The following BABAM2 variants were observed in gnomAD, a reference collection of about 807,000 sequenced individuals.
The protein encoded by BABAM2 is BRISC and BRCA1 A complex member 2, also known as BRISC and BRCA1-A complex member 2.
BABAM2 carries 31 observed loss-of-function variants against 54.7 expected under a neutral mutation model. The observed-to-expected ratio is 0.57, with a 90% CI of 0.43 to 0.77. The LOEUF is 0.77. BABAM2 is among the 30% of genes least tolerant of loss of function. The probability of loss-of-function intolerance (pLI) is 0.00; values close to 1 mark genes in which losing one functional copy is unlikely to be tolerated. For synonymous variants in BABAM2, 167 were observed against 162.9 expected, an observed-to-expected ratio of 1.03 and a Z score of -0.19; for missense variants, 364 against 455.8, an observed-to-expected ratio of 0.80 and a Z score of 1.83.
At chr2:28,227,401 C>T (rs1680988967) in intron 7 of BABAM2, among the ~76,000 whole-genome samples, 1 of 152,138 alleles carries the variant, frequency 6.6e-6, no homozygotes. Flanking sequence ...CATTGAGAAC[C>T]TGGCCTCGGA....
intron 5 of BABAM2, among the ~76,000 whole-genome samples, chr2:28,040,401 C>T (rs970383442): frequency 6.9e-6 from 1 of 144,824 alleles, no homozygotes; most frequent in Admixed American, 7.1e-5. Context: ...CCCGGGTTCA[C>T]GCCATTCTCC....
chr2:28,295,643 G>A (rs1196168918), intron 10 of BABAM2, among the ~76,000 whole-genome samples: 1 of 151,940 alleles, frequency 6.6e-6, no homozygotes. Context: ...TTACAGGTAC[G>A]CACCACTATG....
chr2:28,042,547 T>C (rs1445374398), intron 5 of BABAM2, among the ~76,000 whole-genome samples: 1 of 152,080 alleles, frequency 6.6e-6, no homozygotes, highest in African/African-American at 2.4e-5. Context: ...CGAGAAATGA[T>C]CATTGAATTT....
intron 7 of BABAM2, among the ~76,000 whole-genome samples, chr2:28,223,320 G>A (rs1558449287): frequency 6.6e-6 from 1 of 152,216 alleles, no homozygotes; most frequent in Admixed American, 6.5e-5. Context: ...ACACTGCAGA[G>A]GGGGACAGTG....
chr2:28,338,499 A>C lies in BABAM2; in HGVS notation c.1138A>C (p.Asn380His), dbSNP rs1216713832. ...VPQFQEAAFA[N>H]GKL ...TCAGTTCCAGGAGGCAGCATTTGCC[A>C]ATGGAAAGCTCTAGGAAACACCAGT... The change falls in exon 12 of 12, where the codon AAT becomes CAT. Residue 380 changes from asparagine to histidine, a missense_variant. Asn to His is a moderately conservative substitution (Grantham distance 68). Coordinates refer to ENST00000379624, the MANE Select transcript of BABAM2 (RefSeq NM_199191.3). The C allele has an allele frequency of 6.2e-7, 1 of 1,614,030 alleles. No homozygotes were observed. Among genetic ancestry groups the C allele is most frequent in the Non-Finnish European group, 8.5e-7 (1 of 1,179,990 alleles).
chr2:28,248,012 A>G (rs1270721002), intron 10 of BABAM2, among the ~76,000 whole-genome samples: 1 of 151,946 alleles, frequency 6.6e-6, no homozygotes, highest in Non-Finnish European at 1.5e-5. Context: ...CATTTTCAGC[A>G]TGTCTCAAAT....
intron 10 of BABAM2, among the ~76,000 whole-genome samples, chr2:28,267,587 G>T (rs1222997236): frequency 2.0e-5 from 3 of 152,204 alleles, no homozygotes; most frequent in Non-Finnish European, 4.4e-5. Flanking sequence ...TTCAGTGGTG[G>T]TCATTATGGA....
intron 4 of BABAM2, among the ~76,000 whole-genome samples, chr2:28,004,607 G>A (rs1673819239): frequency 6.6e-6 from 1 of 151,904 alleles, no homozygotes; most frequent in South Asian, 2.1e-4. Flanking sequence ...CAAAGGAGGT[G>A]GTTCTTTAGG....
intron 2 of BABAM2, among the ~76,000 whole-genome samples, chr2:27,916,661 T>C (rs996342436): frequency 7.2e-5 from 11 of 152,218 alleles, no homozygotes; most frequent in Non-Finnish European, 1.5e-4. Flanking sequence ...AGTGCCTGTC[T>C]CTTAGGTTTT....
In BABAM2 at chr2:28,262,924, C is replaced by T. The variant is rs557967630; in HGVS notation, c.934+18062C>T. 2.0e-4 allele frequency among the ~76,000 whole-genome samples: 30 copies of T among 152,212 alleles called. 1 individual carries two copies. In the South Asian group the frequency reaches 6.2e-3, roughly 32 times the overall value. On this transcript the variant is annotated intron_variant, in intron 10 of 11. Coordinates refer to ENST00000379624, the MANE Select transcript of BABAM2 (RefSeq NM_199191.3). Reference sequence around the variant, plus strand: ...TCGAAACCTTGTTGATACACTTTTCCTCCCAAAGAGGTGATCCAAATTCCT... The same window carrying T: ...TCGAAACCTTGTTGATACACTTTTCTTCCCAAAGAGGTGATCCAAATTCCT...
intron 2 of BABAM2, among the ~76,000 whole-genome samples, chr2:27,906,184 G>A (rs1448575416): frequency 6.6e-6 from 1 of 152,122 alleles, no homozygotes; most frequent in South Asian, 2.1e-4. Context: ...AACTTTGGGT[G>A]TTTATCTAGG....
At chr2:28,086,758 C>T (rs774694860) in intron 6 of BABAM2, among the ~76,000 whole-genome samples, 7 of 152,232 alleles carry the variant, frequency 4.6e-5, no homozygotes, top group Non-Finnish European at 8.8e-5. Flanking sequence ...AAATTCTTCA[C>T]ATAAGCACGA....
rs533809908 is a variant in BABAM2 at position 28,337,070 on chromosome 2, G to C, written c.1089-1380G>C. On this transcript the variant is annotated intron_variant, in intron 11 of 11. Coordinates refer to ENST00000379624, the MANE Select transcript of BABAM2 (RefSeq NM_199191.3). ...GAGGCGATGAGACCTTTGCAGTGCT[G>C]AGGGTGACAGGTCTTGGTGGCCCTG... 3.0e-3 allele frequency among the ~76,000 whole-genome samples: 452 copies of C among 152,302 alleles called. 1 individual carries two copies. The highest frequency in any genetic ancestry group is 0.01 in the African/African-American group (427 of 41,552).
intron 6 of BABAM2, among the ~76,000 whole-genome samples, chr2:28,076,485 GT>G (rs1162188653): frequency 7.5e-6 from 1 of 133,988 alleles, no homozygotes; most frequent in East Asian, 2.0e-4. Flanking sequence ...TATTTATTTA[GT>G]TAGTTAGTTA....
chr2:28,160,081 A>G (rs1672919203), intron 7 of BABAM2, among the ~76,000 whole-genome samples: 3 of 152,102 alleles, frequency 2.0e-5, no homozygotes, highest in Non-Finnish European at 4.4e-5. Context: ...TCCTGGGCTC[A>G]AGTGATCCTC....
chr2:28,111,166 A>G (rs1174208049), intron 6 of BABAM2, among the ~76,000 whole-genome samples: 1 of 141,948 alleles, frequency 7.0e-6, no homozygotes, highest in Non-Finnish European at 1.5e-5. Flanking sequence ...TTTTTTTAGT[A>G]GAGATGGGGT....
At chr2:28,161,150 A>C (rs999566811) in intron 7 of BABAM2, among the ~76,000 whole-genome samples, 1 of 152,150 alleles carries the variant, frequency 6.6e-6, no homozygotes, top group African/African-American at 2.4e-5. Flanking sequence ...ATGGGTAGGC[A>C]GTTTTCTTTT....
At chr2:28,097,255 C>A (rs1411224104) in intron 6 of BABAM2, among the ~76,000 whole-genome samples, 1 of 152,098 alleles carries the variant, frequency 6.6e-6, no homozygotes, top group East Asian at 1.9e-4. Context: ...AAAGTGAGTT[C>A]TTGACCATAA....
At chr2:28,333,356 C>T (rs566144726) in intron 11 of BABAM2, among the ~76,000 whole-genome samples, 7 of 152,256 alleles carry the variant, frequency 4.6e-5, no homozygotes, top group Admixed American at 2.0e-4. Context: ...TACAGCCCAC[C>T]GGCCTTAGGA....
Sources: gnomAD v4.1 joint callset for allele counts (sites outside exome capture counted in the v4.1 genomes callset) on GRCh38, gnomAD v4.1.1 for gene constraint, MANE v1.5 for transcripts, NCBI Gene and HGNC (gene_info 2026-07-23, HGNC 2026-07-21) for gene names.